The following SYN2 variants were observed in gnomAD, a reference collection of about 807,000 sequenced individuals.
SYN2 encodes the protein synapsin II.
Under a neutral mutation model 50.9 loss-of-function variants are expected in SYN2, and 19 were observed. That is an observed-to-expected ratio of 0.37 (90% CI 0.26 to 0.55). The LOEUF is 0.55. Ranked by LOEUF, SYN2 falls within the 20% of genes least tolerant of loss-of-function variation. The probability of loss-of-function intolerance (pLI) is 0.81; values close to 1 mark genes in which losing one functional copy is unlikely to be tolerated. For missense variants in SYN2, 587 were observed against 576.4 expected (o/e 1.02, Z -0.19); for synonymous variants, 255 against 224.9 (o/e 1.13, Z -1.20).
intron 1 of SYN2, among the ~76,000 whole-genome samples, chr3:12,064,055 G>A (rs1175961687): frequency 6.6e-6 from 1 of 151,924 alleles, no homozygotes; most frequent in African/African-American, 2.4e-5. Flanking sequence ...ATCATCAACA[G>A]TGATAAGTAA....
chr3:12,053,339 T>C (rs1694910980), intron 1 of SYN2, among the ~76,000 whole-genome samples: 1 of 152,116 alleles, frequency 6.6e-6, no homozygotes, highest in East Asian at 1.9e-4. Flanking sequence ...GAGAATTGCT[T>C]GAACCTGGGA....
chr3:12,153,668 G>A (rs766266939), intron 5 of SYN2: 55 of 1,614,104 alleles, frequency 3.4e-5, no homozygotes, highest in African/African-American at 6.7e-5. Context: ...AGAGGCACTC[G>A]TTAGGGGCCG....
At chr3:12,051,402 C>T (rs1364559706) in intron 1 of SYN2, among the ~76,000 whole-genome samples, 3 of 39,714 alleles carry the variant, frequency 7.6e-5, no homozygotes, top group Non-Finnish European at 1.1e-4. Flanking sequence ...CTGGCAGAGG[C>T]ACAGAGCTAC....
chr3:12,168,239 C>T, intron 8 of SYN2, 137 bp from the exon 9 acceptor site: 2 of 700,600 alleles, frequency 2.9e-6, no homozygotes, highest in South Asian at 3.4e-5. Context: ...AGGGTATGTG[C>T]TTGATACGGG....
intron 8 of SYN2, 112 bp from the exon 9 acceptor site, chr3:12,168,264 A>G: frequency 1.3e-6 from 1 of 764,868 alleles, no homozygotes. Flanking sequence ...TGGAGGGAGC[A>G]GTGGGAATGG....
intron 1 of SYN2, among the ~76,000 whole-genome samples, chr3:12,085,349 G>C (rs966312929): frequency 6.7e-5 from 3 of 44,924 alleles, no homozygotes; most frequent in African/African-American, 2.6e-4. Context: ...GATTGTTATG[G>C]AATACACACA....
chr3:12,128,682 A>G (rs2125207571), intron 1 of SYN2, among the ~76,000 whole-genome samples: 1 of 152,336 alleles, frequency 6.6e-6, no homozygotes, highest in Non-Finnish European at 1.5e-5. Flanking sequence ...GTTGGAAAAA[A>G]CATGTATTTG....
At chr3:12,022,092 A>G (rs1243936011) in intron 1 of SYN2, among the ~76,000 whole-genome samples, 1 of 151,568 alleles carries the variant, frequency 6.6e-6, no homozygotes, top group Non-Finnish European at 1.5e-5. Context: ...AAAAAAAAAA[A>G]AGAGGTTCTT....
intron 1 of SYN2, among the ~76,000 whole-genome samples, chr3:12,130,677 A>AACTG (rs1460532476): frequency 2.6e-5 from 4 of 152,214 alleles, no homozygotes; most frequent in Admixed American, 2.6e-4. Flanking sequence ...ACATAAAATT[A>AACTG]ACTGTCATAG....
intron 1 of SYN2, among the ~76,000 whole-genome samples, chr3:12,123,029 G>A (rs1166983056): frequency 2.6e-5 from 4 of 152,166 alleles, no homozygotes; most frequent in Admixed American, 1.3e-4. Flanking sequence ...GAACTGGAAG[G>A]TAAAGCTGAA....
Position 12,168,370 on chromosome 3 carries a change from C to T in SYN2, c.1056-6C>T, listed in dbSNP as rs1437612388. Reference sequence around the variant, plus strand: ...CAGCTTCAGGACACCTTCCCATCACCTCCAGGTACAAACTGTGGGTGGACA... The same window carrying T: ...CAGCTTCAGGACACCTTCCCATCACTTCCAGGTACAAACTGTGGGTGGACA... On this transcript the variant is annotated splice_region_variant and splice_polypyrimidine_tract_variant and intron_variant, in intron 8 of 12. Coordinates refer to ENST00000621198, the MANE Select transcript of SYN2 (RefSeq NM_133625.6). The T allele has an allele frequency of 2.5e-6, 4 of 1,612,312 alleles. No homozygotes were observed. The highest frequency in any genetic ancestry group is 1.7e-5 in the Admixed American group (1 of 59,784).
intron 1 of SYN2, among the ~76,000 whole-genome samples, chr3:12,085,056 A>C (rs926906860): frequency 6.6e-6 from 1 of 151,914 alleles, no homozygotes; most frequent in African/African-American, 2.4e-5. Context: ...AATTATTTTG[A>C]ATTTAAATGG....
At chr3:12,010,339 T>C (rs139617653) in intron 1 of SYN2, among the ~76,000 whole-genome samples, 1 of 149,400 alleles carries the variant, frequency 6.7e-6, no homozygotes, top group Non-Finnish European at 1.5e-5. Flanking sequence ...GAGGCCTAAA[T>C]AGGAAGTTTT....
intron 1 of SYN2, among the ~76,000 whole-genome samples, chr3:12,087,047 G>A (rs1200400443): frequency 2.6e-5 from 4 of 152,016 alleles, no homozygotes; most frequent in South Asian, 2.1e-4. Context: ...TACAAAAATA[G>A]CATTTCCATA....
At chr3:12,038,378 A>T (rs307577) in intron 1 of SYN2, among the ~76,000 whole-genome samples, 97,304 of 150,772 alleles carry the variant, frequency 0.65, 33,761 homozygotes, top group South Asian at 0.79. Flanking sequence ...GTTGTTTTTT[A>T]AAAAAAAACT....
chr3:12,104,127 T>A (rs902500446), intron 1 of SYN2, among the ~76,000 whole-genome samples: 3 of 152,178 alleles, frequency 2.0e-5, no homozygotes, highest in Admixed American at 6.5e-5. Flanking sequence ...GATAATTTTT[T>A]AAATTTTATT....
At chr3:12,016,681 C>A (rs910011518) in intron 1 of SYN2, among the ~76,000 whole-genome samples, 2 of 152,114 alleles carry the variant, frequency 1.3e-5, no homozygotes, top group Non-Finnish European at 2.9e-5. Flanking sequence ...ATATGGTGAA[C>A]CCCATCTCTA....
At chr3:12,169,653 C>T in intron 9 of SYN2, 104 bp from the exon 10 acceptor site, 1 of 1,288,346 alleles carries the variant, frequency 7.8e-7, no homozygotes, top group South Asian at 1.4e-5. Flanking sequence ...TGCTTCATCT[C>T]CAGTCCATCT....
At chr3:12,086,910 G>A (rs1180276667) in intron 1 of SYN2, among the ~76,000 whole-genome samples, 1 of 152,010 alleles carries the variant, frequency 6.6e-6, no homozygotes, top group African/African-American at 2.4e-5. Flanking sequence ...TAGAAAAGGA[G>A]GAAGGGAAAT....
Sources: gnomAD v4.1 joint callset for allele counts (sites outside exome capture counted in the v4.1 genomes callset) on GRCh38, gnomAD v4.1.1 for gene constraint, MANE v1.5 for transcripts, NCBI Gene and HGNC (gene_info 2026-07-23, HGNC 2026-07-21) for gene names.